The following PRICKLE2 variants were observed in gnomAD, a reference collection of about 807,000 sequenced individuals.
PRICKLE2 encodes prickle-like protein 2.
A neutral mutation model predicts 81.4 loss-of-function variants in PRICKLE2; 21 were observed. That is an observed-to-expected ratio of 0.26 (90% CI 0.18 to 0.37). The LOEUF is 0.37. PRICKLE2 is among the 10% of genes least tolerant of loss of function. The pLI is 1.00. For synonymous variants in PRICKLE2, 456 were observed against 421.5 expected (o/e 1.08, Z -1.00); for missense variants, 940 against 1,109.0 (o/e 0.85, Z 2.16).
At chr3:64,193,385 A>T (rs977719826) in intron 2 of PRICKLE2, among the ~76,000 whole-genome samples, 1 of 152,210 alleles carries the variant, frequency 6.6e-6, no homozygotes, top group Admixed American at 6.5e-5. Flanking sequence ...CCCTCTCCCA[A>T]ACATACATTT....
Position 64,208,026 on chromosome 3 carries a change from G to A in PRICKLE2, c.-40-9059C>T, listed in dbSNP as rs377413554. On this transcript the variant is annotated intron_variant, in intron 1 of 7. Transcript: ENST00000638394. ...GAAAGCATCAACTCTTCACATGCAC[G>A]CACAACACCAGCCTAAAATGAACCA... Among the ~76,000 whole-genome samples the A allele has an allele frequency of 5.9e-5, 9 of 152,128 alleles. No individual in the cohort carries two copies. In the South Asian group the frequency reaches 6.2e-4, roughly 11 times the overall value.
At chr3:64,104,149 G>A (rs903606241) in intron 7 of PRICKLE2, among the ~76,000 whole-genome samples, 1 of 152,088 alleles carries the variant, frequency 6.6e-6, no homozygotes, top group Non-Finnish European at 1.5e-5. Flanking sequence ...TAGCAGCTGG[G>A]GCCTCCAATC....
chr3:64,184,678 C>T (rs1250881930), intron 2 of PRICKLE2, among the ~76,000 whole-genome samples: 1 of 152,080 alleles, frequency 6.6e-6, no homozygotes, highest in Non-Finnish European at 1.5e-5. Flanking sequence ...CGCTATGCTG[C>T]CCAGGCTGGT....
At position 64,180,113 on chromosome 3, in the gene PRICKLE2, A is replaced by T. The variant is rs2078101771; in HGVS notation, c.145-16984T>A. 2.6e-5 allele frequency among the ~76,000 whole-genome samples: 4 copies of T among 152,182 alleles called. No individual in the cohort carries two copies. The South Asian group carries it at 8.3e-4, about 31-fold the overall frequency. On this transcript the variant is annotated intron_variant, in intron 2 of 7. Coordinates refer to ENST00000638394, the MANE Select transcript of PRICKLE2 (RefSeq NM_198859.4). ...AACTGCATTATTGAGTAATGTGCATACTTTGAATGTTATGTGCGTATGTTA... is the reference window on the plus strand; with the variant it reads ...AACTGCATTATTGAGTAATGTGCATTCTTTGAATGTTATGTGCGTATGTTA...
At chr3:64,205,478 T>G (rs1296440926) in intron 1 of PRICKLE2, among the ~76,000 whole-genome samples, 1 of 152,170 alleles carries the variant, frequency 6.6e-6, no homozygotes, top group Non-Finnish European at 1.5e-5. Flanking sequence ...CTTGAAAGGA[T>G]TCATCATGAG....
intron 7 of PRICKLE2, among the ~76,000 whole-genome samples, chr3:64,137,543 T>C (rs986287277): frequency 3.9e-5 from 6 of 152,128 alleles, no homozygotes; most frequent in Non-Finnish European, 8.8e-5. Context: ...TGAACAGTTA[T>C]CAAAAACCAG....
chr3:64,157,793 G>T (rs1217002437), intron 4 of PRICKLE2, among the ~76,000 whole-genome samples: 3 of 152,180 alleles, frequency 2.0e-5, no homozygotes, highest in Non-Finnish European at 4.4e-5. Context: ...GGGGCTTGGA[G>T]GAGGTGGGAC....
intron 7 of PRICKLE2, among the ~76,000 whole-genome samples, chr3:64,128,141 G>A (rs565035923): frequency 2.6e-5 from 4 of 152,246 alleles, no homozygotes; most frequent in Admixed American, 2.0e-4. Flanking sequence ...GAGGTGGCAG[G>A]AGGAGTCACA....
intron 1 of PRICKLE2, among the ~76,000 whole-genome samples, chr3:64,217,378 C>T (rs574957258): frequency 1.3e-5 from 2 of 152,266 alleles, no homozygotes; most frequent in Admixed American, 1.3e-4. Flanking sequence ...AGTTTTGATA[C>T]ATGGATATAC....
At chr3:64,181,552 T>C (rs946335393) in intron 2 of PRICKLE2, among the ~76,000 whole-genome samples, 2 of 152,234 alleles carry the variant, frequency 1.3e-5, no homozygotes, top group South Asian at 4.2e-4. Context: ...TTGTTTTAGT[T>C]ATTCTACTGA....
chr3:64,222,465 A>T (rs1013052502), intron 1 of PRICKLE2, among the ~76,000 whole-genome samples: 4 of 152,278 alleles, frequency 2.6e-5, no homozygotes, highest in African/African-American at 9.6e-5. Flanking sequence ...AGATCTTGGG[A>T]GGAAAGGGAG....
At chr3:64,125,904 C>A (rs1310579980) in intron 7 of PRICKLE2, among the ~76,000 whole-genome samples, 2 of 151,962 alleles carry the variant, frequency 1.3e-5, no homozygotes, top group African/African-American at 4.8e-5. Context: ...GATGCCTAAC[C>A]TGTATAACGT....
intron 7 of PRICKLE2, among the ~76,000 whole-genome samples, chr3:64,141,572 G>A (rs905793155): frequency 4.6e-5 from 7 of 152,250 alleles, no homozygotes; most frequent in East Asian, 1.9e-4. Context: ...CTTCTGCAAG[G>A]CTTCTGCATT....
At chr3:64,195,272 A>C (rs1450220033) in intron 2 of PRICKLE2, among the ~76,000 whole-genome samples, 2 of 152,194 alleles carry the variant, frequency 1.3e-5, no homozygotes, top group Non-Finnish European at 2.9e-5. Flanking sequence ...CTATTTTTAA[A>C]AGGCTGGGTT....
rs930725406 is a variant in PRICKLE2, at chr3:64,097,000, G to A, written c.*2051C>T. ...CAGAAACCTGCCACTTTAGTAGCACGGTATTGCAAATTATTTCTTAATCAG... is the reference window on the plus strand; with the variant it reads ...CAGAAACCTGCCACTTTAGTAGCACAGTATTGCAAATTATTTCTTAATCAG... On this transcript the variant is annotated 3_prime_UTR_variant, in exon 8 of 8. Coordinates refer to ENST00000638394, the MANE Select transcript of PRICKLE2 (RefSeq NM_198859.4). 6.6e-6 allele frequency: 1 copy of A among 152,486 alleles called. No homozygotes were observed. Among genetic ancestry groups the A allele is most frequent in the Non-Finnish European group, 1.5e-5 (1 of 68,030 alleles). 9.4% of individuals were successfully genotyped at this position (152,486 alleles called of 1,614,324 possible). A position where few individuals can be genotyped will look rare whatever the true frequency, so the allele number is the denominator to read the frequency against.
chr3:64,138,638 C>A (rs1490794775), intron 7 of PRICKLE2, among the ~76,000 whole-genome samples: 1 of 152,210 alleles, frequency 6.6e-6, no homozygotes. Context: ...TTTGTTTACA[C>A]CCATTGGAGT....
chr3:64,191,381 G>A (rs2078333414), intron 2 of PRICKLE2, among the ~76,000 whole-genome samples: 1 of 152,154 alleles, frequency 6.6e-6, no homozygotes, highest in Admixed American at 6.5e-5. Flanking sequence ...TGCAGACAGA[G>A]GGCCAGGAGC....
chr3:64,192,707 G>A (rs153729), intron 2 of PRICKLE2, among the ~76,000 whole-genome samples: 30,009 of 152,134 alleles, frequency 0.2, 3,538 homozygotes, highest in East Asian at 0.47. Flanking sequence ...AAACTAGGCA[G>A]TCACACTTGG....
Position 64,094,679 on chromosome 3 carries a change from G to C in PRICKLE2, c.*4372C>G, listed in dbSNP as rs748785738. 2.6e-5 allele frequency: 4 copies of C among 152,466 alleles called. No individual in the cohort carries two copies. The highest frequency in any genetic ancestry group is 5.9e-5 in the Non-Finnish European group (4 of 68,040). 9.4% of individuals were successfully genotyped at this position (152,466 alleles called of 1,614,324 possible). On this transcript the variant is annotated 3_prime_UTR_variant, in exon 8 of 8. Coordinates refer to ENST00000638394, the MANE Select transcript of PRICKLE2 (RefSeq NM_198859.4). ...CCAATTTTTTCTTGATCTTTACTTT[G>C]AGGACTACTTCCAAATGGTCATAAG... is the stretch of plus-strand genomic sequence containing the variant.
Sources: gnomAD v4.1 joint callset for allele counts (sites outside exome capture counted in the v4.1 genomes callset) on GRCh38, gnomAD v4.1.1 for gene constraint, MANE v1.5 for transcripts, NCBI Gene and HGNC (gene_info 2026-07-23, HGNC 2026-07-21) for gene names.